Variants in VXN observed in about 807,000 individuals in gnomAD.
The protein encoded by VXN is uncharacterized protein C8orf46.
A neutral mutation model predicts 23.1 loss-of-function variants in VXN; 7 were observed. The observed-to-expected ratio is 0.30, with a 90% CI of 0.17 to 0.57. The LOEUF (loss-of-function observed/expected upper bound fraction) is 0.57. Ranked by LOEUF, VXN falls within the 20% of genes least tolerant of loss-of-function variation. The pLI is 0.91. For missense variants in VXN, 238 were observed against 272.6 expected (o/e 0.87, Z 0.89); for synonymous variants, 120 against 105.8 (o/e 1.13, Z -0.83).
At chr8:66,511,206 G>A (rs1202604961) in intron 4 of VXN, among the ~76,000 whole-genome samples, 8 of 152,302 alleles carry the variant, frequency 5.3e-5, no homozygotes, top group Admixed American at 5.2e-4. Flanking sequence ...TCATCTCTGG[G>A]CAGGAATGTC....
chr8:66,503,795 G>C (rs1433036485), intron 2 of VXN, among the ~76,000 whole-genome samples: 1 of 152,194 alleles, frequency 6.6e-6, no homozygotes, highest in Non-Finnish European at 1.5e-5. Flanking sequence ...AAACCAGGCT[G>C]TCAGGAGCCT....
chr8:66,505,349 C>A, intron 2 of VXN, 26 bp from the exon 3 acceptor site: 1 of 1,569,038 alleles, frequency 6.4e-7, no homozygotes. Flanking sequence ...GAGGAGTGGG[C>A]TAACCGCGTT....
At chr8:66,511,922 C>T (rs374242133) in intron 4 of VXN, among the ~76,000 whole-genome samples, 34 of 152,088 alleles carry the variant, frequency 2.2e-4, no homozygotes, top group African/African-American at 7.0e-4. Flanking sequence ...AAAAATTAGC[C>T]GAGCGTGGTG....
intron 2 of VXN, among the ~76,000 whole-genome samples, chr8:66,499,582 G>A (rs1807668095): frequency 6.6e-6 from 1 of 151,876 alleles, no homozygotes; most frequent in Non-Finnish European, 1.5e-5. Flanking sequence ...TTGAGACACA[G>A]TCTCACTCTG....
rs559959900 is a variant in VXN, at chr8:66,496,285, A to G, written c.71-152A>G. 3.3e-4 allele frequency: 222 copies of G among 668,584 alleles called. No individual in the cohort carries two copies. The South Asian group carries it at 3.9e-3, about 12-fold the overall frequency. The allele number at this position is 668,584 out of a possible 1,614,324, so 41.4% of individuals were successfully genotyped here. A position where few individuals can be genotyped will look rare whatever the true frequency, so the allele number is the denominator to read the frequency against. On this transcript the variant is annotated intron_variant, in intron 1 of 5. Coordinates refer to ENST00000305454, the MANE Select transcript of VXN (RefSeq NM_152765.4). ...GAACTTTGTACTCAAGCCAAGTAAC[A>G]TCTTCAATCGCAACGACCCTGTCTC...
intron 2 of VXN, among the ~76,000 whole-genome samples, chr8:66,498,333 A>G (rs1043995586): frequency 3.3e-5 from 5 of 152,162 alleles, no homozygotes; most frequent in Non-Finnish European, 7.3e-5. Context: ...ACCCTGCCTC[A>G]AATAAAAAAA....
At chr8:66,511,383 C>T (rs979944686) in intron 4 of VXN, among the ~76,000 whole-genome samples, 2 of 152,178 alleles carry the variant, frequency 1.3e-5, no homozygotes, top group African/African-American at 4.8e-5. Context: ...ACAAATTGGA[C>T]AGAGATATGG....
intron 1 of VXN, among the ~76,000 whole-genome samples, chr8:66,496,023 C>T (rs1342664086): frequency 6.6e-6 from 1 of 152,134 alleles, no homozygotes; most frequent in East Asian, 1.9e-4. Flanking sequence ...TTTGACTACT[C>T]TAGGAACCCC....
chr8:66,497,071 G>C (rs969682755), intron 2 of VXN, among the ~76,000 whole-genome samples: 1 of 152,114 alleles, frequency 6.6e-6, no homozygotes, highest in South Asian at 2.1e-4. Context: ...TTTTAGTAGA[G>C]ACGGGGTTTC....
intron 1 of VXN, 76 bp from the exon 2 acceptor site, chr8:66,496,361 T>C: frequency 7.2e-7 from 1 of 1,381,754 alleles, no homozygotes; most frequent in African/African-American, 1.4e-5. Context: ...ATTCAAACCT[T>C]CTCAGTGTTG....
intron 2 of VXN, among the ~76,000 whole-genome samples, chr8:66,504,249 T>A (rs1807722491): frequency 6.6e-6 from 1 of 152,190 alleles, no homozygotes; most frequent in Non-Finnish European, 1.5e-5. Context: ...GCAGTCTTCC[T>A]GTGGACTCCA....
intron 2 of VXN, among the ~76,000 whole-genome samples, chr8:66,500,595 G>A (rs2130544867): frequency 6.6e-6 from 1 of 152,194 alleles, no homozygotes; most frequent in African/African-American, 2.4e-5. Context: ...ATTGCATGAT[G>A]CTGAGGTTTG....
At chr8:66,515,647 G>A (rs1243906267) in intron 5 of VXN, among the ~76,000 whole-genome samples, 1 of 152,230 alleles carries the variant, frequency 6.6e-6, no homozygotes, top group Non-Finnish European at 1.5e-5. Context: ...CAGGGGGACA[G>A]TAGCAGAACT....
chr8:66,496,610 T>C (rs909890072), intron 2 of VXN, 118 bp downstream of exon 2: 3 of 898,454 alleles, frequency 3.3e-6, no homozygotes, highest in Admixed American at 1.9e-5. Flanking sequence ...CAGTGTTCCA[T>C]GTGGTGCGTG....
At chr8:66,502,611 G>C (rs1199649543) in intron 2 of VXN, among the ~76,000 whole-genome samples, 1 of 152,048 alleles carries the variant, frequency 6.6e-6, no homozygotes, top group African/African-American at 2.4e-5. Flanking sequence ...GCCAGGCGTG[G>C]TGGCAGGCGC....
chr8:66,506,221 G>C (rs758908015), intron 3 of VXN, among the ~76,000 whole-genome samples: 66 of 145,634 alleles, frequency 4.5e-4, no homozygotes, highest in Non-Finnish European at 8.3e-4. Context: ...GAGAGAGAGA[G>C]AGAGAGAGAC....
intron 4 of VXN, among the ~76,000 whole-genome samples, chr8:66,510,774 G>A (rs1807812639): frequency 6.6e-6 from 1 of 152,124 alleles, no homozygotes; most frequent in South Asian, 2.1e-4. Flanking sequence ...TGTGGGGAGA[G>A]GGAGATACCT....
chr8:66,493,917 A>G (rs1042664979), intron 1 of VXN, among the ~76,000 whole-genome samples, 199 bp downstream of exon 1: 13 of 152,120 alleles, frequency 8.5e-5, no homozygotes, highest in East Asian at 5.8e-4. Context: ...CAATCCATCA[A>G]GGGGAAGGCG....
intron 2 of VXN, among the ~76,000 whole-genome samples, chr8:66,502,230 T>C (rs1160381043): frequency 6.6e-6 from 1 of 152,214 alleles, no homozygotes; most frequent in Non-Finnish European, 1.5e-5. Context: ...ACCATCCTGA[T>C]GCCCACTATC....
Sources: allele counts gnomAD v4.1 joint callset (sites outside exome capture counted in the v4.1 genomes callset), GRCh38; gene constraint gnomAD v4.1.1; transcripts MANE v1.5; gene names NCBI Gene and HGNC (gene_info 2026-07-23, HGNC 2026-07-21).